Variants in ZNF534 observed in about 807,000 individuals in gnomAD.
ZNF534 encodes KRAB domain only 3.
ZNF534 carries 19 observed loss-of-function variants against 13.6 expected under a neutral mutation model. That is an observed-to-expected ratio of 1.40 (90% CI 0.97 to 2.05). ZNF534 has a LOEUF of 2.05. ZNF534 is among the 30% of genes most tolerant of loss of function. The probability of loss-of-function intolerance (pLI) is 0.00; values close to 1 mark genes in which losing one functional copy is unlikely to be tolerated. For synonymous variants in ZNF534, 244 were observed against 273.8 expected, an observed-to-expected ratio of 0.89 and a Z score of 1.07; for missense variants, 782 against 796.3, an observed-to-expected ratio of 0.98 and a Z score of 0.22.
downstream of ZNF534, among the ~76,000 whole-genome samples, chr19:52,443,762 A>AC: frequency 6.6e-6 from 1 of 151,928 alleles, no homozygotes; most frequent in African/African-American, 2.4e-5. Context: ...AAACAAACAA[A>AC]AAAAATCACC....
chr19:52,451,212 G>A, exon 5 of ZNF534: 1 of 706,162 alleles, frequency 1.4e-6, no homozygotes, highest in Non-Finnish European at 2.6e-6. Flanking sequence ...CCTGGGACGC[G>A]CGCGTCTTCA....
chr19:52,431,422 GA>G lies in ZNF534; in HGVS notation c.-52del, dbSNP rs2059086174. On this transcript the variant is annotated 5_prime_UTR_variant, in exon 2 of 5. Transcript: ENST00000433050. The stretch of plus-strand genomic sequence containing the variant: ...TTTGATACTAGGATTCACTTTCAAA[GA>G]GACATATTATGCAAGGAAGCAACTC... 1 of 1,611,936 alleles carries G rather than the reference GA, an allele frequency of 6.2e-7. No homozygotes were observed. The highest frequency in any genetic ancestry group is 1.3e-5 in the African/African-American group (1 of 74,850).
rs1384066954 is a variant in ZNF534 at position 52,442,218 on chromosome 19, A to T, written c.*2772A>T. On this transcript the variant is annotated 3_prime_UTR_variant, in exon 5 of 5. Coordinates refer to ENST00000433050, the MANE Select transcript of ZNF534 (RefSeq NM_001143938.3). ...AACAAAATCTCTGTAGGACTGTGAC[A>T]TGTTCTTGATGGGCATGACACCCAT... Among the ~76,000 whole-genome samples, 1 of 152,224 alleles carries T rather than the reference A, an allele frequency of 6.6e-6. No individual in the cohort carries two copies. The highest frequency in any genetic ancestry group is 2.1e-4 in the South Asian group (1 of 4,832).
chr19:52,433,378 G>C (rs564234401), intron 2 of ZNF534, among the ~76,000 whole-genome samples: 5 of 151,314 alleles, frequency 3.3e-5, no homozygotes, highest in African/African-American at 7.3e-5. Context: ...CTTTTTGGGG[G>C]GGGGAGGGGA....
rs1401934225 is a variant in ZNF534, at chr19:52,441,690, T to G, written c.*2244T>G. 5.3e-5 allele frequency among the ~76,000 whole-genome samples: 8 copies of G among 152,210 alleles called. No homozygotes were observed. The highest frequency in any genetic ancestry group is 8.8e-5 in the Non-Finnish European group (6 of 68,052). On this transcript the variant is annotated 3_prime_UTR_variant, in exon 5 of 5. Coordinates refer to ENST00000433050, the MANE Select transcript of ZNF534 (RefSeq NM_001143938.3). ...CCATACTGCAGACAAACCTTACAAC[T>G]GTAATGAATGTGGCAAGGTCTCAAA...
chr19:52,450,681 T>C (rs545485289), intron 4 of ZNF534, among the ~76,000 whole-genome samples: 1 of 27,454 alleles, frequency 3.6e-5, no homozygotes, highest in Non-Finnish European at 9.0e-5. Context: ...TTTTTTTTTT[T>C]TTTGTTTTTG....
chr19:52,433,010 A>C (rs2059098843), intron 2 of ZNF534, among the ~76,000 whole-genome samples: 1 of 152,040 alleles, frequency 6.6e-6, no homozygotes, highest in African/African-American at 2.4e-5. Context: ...TTGGAGGCTG[A>C]GGTGGGAGGA....
intron 4 of ZNF534, among the ~76,000 whole-genome samples, chr19:52,450,679 T>TG (rs2059210540): frequency 2.9e-5 from 1 of 34,074 alleles, no homozygotes; most frequent in Non-Finnish European, 8.6e-5. Flanking sequence ...AGTTTTTTTT[T>TG]TTTTTGTTTT....
At chr19:52,451,281 G>A in exon 5 of ZNF534, 2 of 1,042,754 alleles carry the variant, frequency 1.9e-6, no homozygotes, top group South Asian at 2.7e-5. Context: ...CAAACTTTGT[G>A]GGAAATGACT....
At chr19:52,431,634 T>TC in intron 2 of ZNF534, 145 bp downstream of exon 2, 1 of 1,089,968 alleles carries the variant, frequency 9.2e-7, no homozygotes, top group Non-Finnish European at 1.4e-6. Context: ...CCCTTTCACT[T>TC]CCACTTAAGA....
chr19:52,436,781 G>C (rs941459458), intron 4 of ZNF534, among the ~76,000 whole-genome samples: 2 of 151,900 alleles, frequency 1.3e-5, no homozygotes, highest in East Asian at 1.9e-4. Flanking sequence ...CAGAATTTCT[G>C]TTCTCTTGTT....
downstream of ZNF534, among the ~76,000 whole-genome samples, chr19:52,446,749 T>A (rs2059195915): frequency 6.6e-6 from 1 of 152,130 alleles, no homozygotes; most frequent in Admixed American, 6.6e-5. Flanking sequence ...TCTCAGCTAT[T>A]CAGGTGGCTG....
rs1291118858 is a variant in ZNF534 at position 52,442,130 on chromosome 19, G to A, written c.*2684G>A. ...GACCATTACTATAGAACATGAAAAG[G>A]ATTTAATTATTGTTTTCTTTTTTCC... On this transcript the variant is annotated 3_prime_UTR_variant, in exon 5 of 5. Transcript: ENST00000433050. Among the ~76,000 whole-genome samples the A allele has an allele frequency of 6.6e-6, 1 of 152,160 alleles. No individual in the cohort carries two copies. The highest frequency in any genetic ancestry group is 1.5e-5 in the Non-Finnish European group (1 of 68,038).
At chr19:52,430,172 C>T (rs1212935427) in intron 1 of ZNF534, among the ~76,000 whole-genome samples, 4 of 151,846 alleles carry the variant, frequency 2.6e-5, no homozygotes, top group Non-Finnish European at 4.4e-5. Flanking sequence ...TCCACCACCA[C>T]GGCCGGCTAG....
intron 1 of ZNF534, among the ~76,000 whole-genome samples, chr19:52,430,837 C>T (rs1211025960): frequency 6.8e-6 from 1 of 146,208 alleles, no homozygotes; most frequent in African/African-American, 2.6e-5. Flanking sequence ...TGAACCACCA[C>T]ACATGGCCTT....
chr19:52,429,564 T>A (rs1437843676), intron 1 of ZNF534, among the ~76,000 whole-genome samples: 2 of 151,938 alleles, frequency 1.3e-5, no homozygotes, highest in Non-Finnish European at 2.9e-5. Flanking sequence ...GACTTTAGAC[T>A]GTATCTGCTC....
intron 1 of ZNF534, among the ~76,000 whole-genome samples, chr19:52,430,605 C>G (rs991169215): frequency 1.3e-4 from 19 of 151,254 alleles, no homozygotes; most frequent in Admixed American, 4.6e-4. Flanking sequence ...GGCTGGAGTG[C>G]AGTGTTAAAA....
rs1161614709 is a variant in ZNF534, at chr19:52,439,615, TG to T, written c.*172del. Reference sequence around the variant, plus strand: ...AAAAAAAAAAAAAAAAAAAATTAGCTGGGTGTGGTGGCAGGCACCTGTAGTC... The same window carrying T: ...AAAAAAAAAAAAAAAAAAAATTAGCTGGTGTGGTGGCAGGCACCTGTAGTC... On this transcript the variant is annotated 3_prime_UTR_variant, in exon 5 of 5. Transcript: ENST00000433050. Among the ~76,000 whole-genome samples the T allele has an allele frequency of 2.0e-5, 3 of 146,832 alleles. No homozygotes were observed. The highest frequency in any genetic ancestry group is 4.5e-5 in the Non-Finnish European group (3 of 67,186).
In ZNF534 at chr19:52,438,443, G is replaced by A. The variant is rs1336555403; in HGVS notation, c.983G>A (p.Cys328Tyr). 1.2e-6 allele frequency: 2 copies of A among 1,611,120 alleles called. No homozygotes were observed. Among genetic ancestry groups the A allele is most frequent in the Non-Finnish European group, 1.7e-6 (2 of 1,178,464 alleles). ...VIHTGEKPYD[C>Y]KECGKVFRHK... ...CATACTGGAGAGAAACCTTATGATT[G>A]TAAGGAATGTGGCAAGGTCTTCAGG... The change falls in exon 5 of 5, where the codon TGT (cysteine) becomes TAT (tyrosine). Residue 328 changes from cysteine to tyrosine, a missense_variant. By Grantham distance (194) the Cys-to-Tyr change is radical (BLOSUM62 -2). This residue lies in a region of ZNF534 where 591 missense variants were observed against 574.0 expected (regional missense o/e 1.03). Transcript: ENST00000433050.
Sources: gnomAD v4.1 joint callset for allele counts (sites outside exome capture counted in the v4.1 genomes callset) on GRCh38, gnomAD v4.1.1 for gene constraint, gnomAD v4.1.1 regional missense constraint, MANE v1.5 for transcripts, NCBI Gene and HGNC (gene_info 2026-07-23, HGNC 2026-07-21) for gene names.